The following NPAS3 variants were observed in gnomAD, a reference collection of about 807,000 sequenced individuals.
NPAS3 encodes neuronal PAS domain-containing protein 3.
In NPAS3, 14 loss-of-function variants were observed where a neutral mutation model predicts 73.1. The observed-to-expected ratio is 0.19, with a 90% confidence interval of 0.13 to 0.30. The LOEUF is 0.30. Among genes scored for constraint, NPAS3 ranks in the 10% least tolerant of loss-of-function variants. NPAS3 has a pLI of 1.00. For missense variants in NPAS3, 1,096 were observed against 1,250.0 expected, an observed-to-expected ratio of 0.88 and a Z score of 1.86; for synonymous variants, 620 against 541.5, an observed-to-expected ratio of 1.14 and a Z score of -2.01.
At chr14:33,312,551 C>G (rs959541475) in intron 3 of NPAS3, among the ~76,000 whole-genome samples, 24 of 152,060 alleles carry the variant, frequency 1.6e-4, no homozygotes, top group African/African-American at 5.6e-4. Flanking sequence ...GTCATTTATG[C>G]TGCTTAAAGG....
At chr14:33,528,705 G>A (rs906170556) in intron 4 of NPAS3, among the ~76,000 whole-genome samples, 25 of 152,208 alleles carry the variant, frequency 1.6e-4, no homozygotes, top group African/African-American at 4.8e-4. Flanking sequence ...AGGTGACAGC[G>A]TCAGTGAGTC....
chr14:33,567,485 G>A (rs1354850200), intron 5 of NPAS3, among the ~76,000 whole-genome samples: 1 of 152,174 alleles, frequency 6.6e-6, no homozygotes, highest in Non-Finnish European at 1.5e-5. Context: ...TGGGTGAGAC[G>A]CTGTTTGTGC....
At chr14:33,315,145 G>C (rs1432540581) in intron 3 of NPAS3, among the ~76,000 whole-genome samples, 2 of 152,046 alleles carry the variant, frequency 1.3e-5, no homozygotes, top group East Asian at 3.9e-4. Flanking sequence ...GCTATTGTCA[G>C]ATAGGTAAGG....
At chr14:33,728,689 AT>A in intron 6 of NPAS3, among the ~76,000 whole-genome samples, 1 of 152,340 alleles carries the variant, frequency 6.6e-6, no homozygotes, top group South Asian at 2.1e-4. Flanking sequence ...GCCCTGGCAC[AT>A]GGTAGAAGAC....
chr14:33,439,096 CT>C (rs1353282844), intron 4 of NPAS3, among the ~76,000 whole-genome samples: 4 of 128,244 alleles, frequency 3.1e-5, no homozygotes, highest in African/African-American at 1.4e-4. Context: ...TAGTACCTGT[CT>C]TTAAAAAAAA....
At chr14:33,694,212 T>C (rs902321440) in intron 6 of NPAS3, among the ~76,000 whole-genome samples, 2 of 152,164 alleles carry the variant, frequency 1.3e-5, no homozygotes, top group African/African-American at 2.4e-5. Flanking sequence ...CATGCTACCA[T>C]TGCAACTTGA....
chr14:33,139,854 C>T (rs1295165306), intron 2 of NPAS3, among the ~76,000 whole-genome samples: 2 of 152,072 alleles, frequency 1.3e-5, no homozygotes, highest in African/African-American at 2.4e-5. Context: ...CTGGACAGAA[C>T]TGATTGAATG....
intron 3 of NPAS3, among the ~76,000 whole-genome samples, chr14:33,303,031 G>A (rs761459192): frequency 1.3e-4 from 20 of 151,860 alleles, no homozygotes; most frequent in African/African-American, 4.1e-4. Flanking sequence ...ATGGCTTCTC[G>A]CAACTATTCC....
At chr14:33,620,428 A>G (rs943992955) in intron 5 of NPAS3, among the ~76,000 whole-genome samples, 1 of 152,166 alleles carries the variant, frequency 6.6e-6, no homozygotes, top group Non-Finnish European at 1.5e-5. Context: ...TTATACCCAT[A>G]AAAAGAAAAA....
chr14:33,320,640 G>T (rs532134060), intron 3 of NPAS3, among the ~76,000 whole-genome samples: 2 of 152,270 alleles, frequency 1.3e-5, no homozygotes, highest in South Asian at 4.1e-4. Flanking sequence ...GTGAGGACAG[G>T]AACCATGATG....
chr14:33,799,689 C>A, intron 11 of NPAS3, 45 bp from the exon 12 acceptor site: 1 of 1,542,354 alleles, frequency 6.5e-7, no homozygotes. Context: ...TCTTCTCTCT[C>A]TTCTCTCTCC....
At chr14:33,697,164 C>G (rs1334237919) in intron 6 of NPAS3, among the ~76,000 whole-genome samples, 1 of 152,174 alleles carries the variant, frequency 6.6e-6, no homozygotes, top group Non-Finnish European at 1.5e-5. Flanking sequence ...ATTCTTGTCA[C>G]CAACCCTGGA....
At chr14:33,021,508 A>T (rs928899265) in intron 1 of NPAS3, among the ~76,000 whole-genome samples, 6 of 152,128 alleles carry the variant, frequency 3.9e-5, no homozygotes, top group African/African-American at 1.4e-4. Flanking sequence ...CAGCCTACAG[A>T]CACATTTGGT....
chr14:32,954,230 A>G (rs1369394271), intron 1 of NPAS3, among the ~76,000 whole-genome samples: 1 of 152,102 alleles, frequency 6.6e-6, no homozygotes, highest in Non-Finnish European at 1.5e-5. Context: ...TCAGTAGTGG[A>G]TGGGTCCTAA....
chr14:33,608,645 T>TGG (rs1171263647), intron 5 of NPAS3: 1 of 152,172 alleles, frequency 6.6e-6, no homozygotes, highest in African/African-American at 2.4e-5. Flanking sequence ...ATGTTCACGG[T>TGG]AAGCTTTTTT....
chr14:33,657,448 G>A (rs2059176033), intron 5 of NPAS3, among the ~76,000 whole-genome samples: 1 of 152,210 alleles, frequency 6.6e-6, no homozygotes, highest in Admixed American at 6.5e-5. Context: ...ACTTTAATAT[G>A]AGTATACAGT....
At chr14:33,063,857 C>G (rs1408575416) in intron 2 of NPAS3, among the ~76,000 whole-genome samples, 2 of 152,178 alleles carry the variant, frequency 1.3e-5, no homozygotes, top group African/African-American at 4.8e-5. Context: ...ATCTAACTTA[C>G]TATAGAACTG....
intron 4 of NPAS3, among the ~76,000 whole-genome samples, chr14:33,477,653 G>T (rs914353792): frequency 1.3e-5 from 2 of 152,070 alleles, no homozygotes; most frequent in Non-Finnish European, 2.9e-5. Flanking sequence ...AAACACTTCG[G>T]ATCCAAAAGC....
At chr14:33,083,567 C>G (rs1448339963) in intron 2 of NPAS3, among the ~76,000 whole-genome samples, 1 of 152,130 alleles carries the variant, frequency 6.6e-6, no homozygotes, top group Non-Finnish European at 1.5e-5. Context: ...GGAAACAGTG[C>G]AGGAAGAGGA....
Sources: allele counts gnomAD v4.1 joint callset (sites outside exome capture counted in the v4.1 genomes callset), GRCh38; gene constraint gnomAD v4.1.1; transcripts MANE v1.5; gene names NCBI Gene and HGNC (gene_info 2026-07-23, HGNC 2026-07-21).